TRIM9: variants seen among roughly 807,000 people sequenced by gnomAD.
TRIM9 encodes E3 ubiquitin-protein ligase TRIM9.
TRIM9 carries 26 observed loss-of-function variants against 78.3 expected under a neutral mutation model. The observed-to-expected ratio is 0.33, with a 90% CI of 0.24 to 0.46. TRIM9 has a LOEUF of 0.46. TRIM9 is among the 20% of genes least tolerant of loss of function. The probability of loss-of-function intolerance (pLI) is 1.00; values close to 1 mark genes in which losing one functional copy is unlikely to be tolerated. For synonymous variants in TRIM9, 398 were observed against 416.5 expected (o/e 0.96, Z 0.54); for missense variants, 787 against 1,036.4 (o/e 0.76, Z 3.30).
chr14:51,001,575 C>A (rs1443197381), intron 5 of TRIM9, among the ~76,000 whole-genome samples: 1 of 152,152 alleles, frequency 6.6e-6, no homozygotes, highest in Non-Finnish European at 1.5e-5. Flanking sequence ...GATTGAAACC[C>A]AAGTTAATAA....
intron 1 of TRIM9, among the ~76,000 whole-genome samples, chr14:51,089,785 T>C (rs1215004140): frequency 6.6e-6 from 1 of 152,186 alleles, no homozygotes; most frequent in African/African-American, 2.4e-5. Context: ...CTGTACCCTA[T>C]GCTCTGAAAA....
At chr14:51,041,125 T>C (rs2059548595) in intron 1 of TRIM9, among the ~76,000 whole-genome samples, 1 of 152,242 alleles carries the variant, frequency 6.6e-6, no homozygotes, top group South Asian at 2.1e-4. Context: ...TGTCAATCCA[T>C]TTCCATGCAG....
At position 51,079,100 on chromosome 14, in the gene TRIM9, T is replaced by C. The variant is rs144669137; in HGVS notation, c.822+15018A>G. On this transcript the variant is annotated intron_variant, in intron 1 of 12. Coordinates refer to ENST00000684578, the MANE Select transcript of TRIM9 (RefSeq NM_001387360.1). ...CTTTCACAAAAATCTTTTGTACATA[T>C]AGTTTCAGAAAACTTAATAATAGAC... is the stretch of plus-strand genomic sequence containing the variant. Among the ~76,000 whole-genome samples, 884 of 152,324 alleles carry C rather than the reference T, an allele frequency of 5.8e-3. 3 individuals carry two copies. Among genetic ancestry groups the C allele is most frequent in the South Asian group, 0.019 (91 of 4,832 alleles).
intron 1 of TRIM9, among the ~76,000 whole-genome samples, chr14:51,076,160 C>T (rs11848207): frequency 0.12 from 18,130 of 152,118 alleles, 1,516 homozygotes; most frequent in Admixed American, 0.25. Context: ...ATGAGGAAAC[C>T]GAGGTACAGA....
intron 1 of TRIM9, among the ~76,000 whole-genome samples, chr14:51,027,354 G>T (rs999205559): frequency 6.6e-6 from 1 of 151,998 alleles, no homozygotes; most frequent in Non-Finnish European, 1.5e-5. Flanking sequence ...ATGTTGGCCA[G>T]GCTGGTCTCA....
intron 3 of TRIM9, among the ~76,000 whole-genome samples, chr14:51,020,036 G>A (rs904844059): frequency 1.3e-5 from 2 of 152,100 alleles, no homozygotes; most frequent in Admixed American, 6.5e-5. Flanking sequence ...AGAGTTGCCC[G>A]AAAAATACAC....
Position 50,978,265 on chromosome 14 carries a change from T to C in TRIM9, c.2326-912A>G, listed in dbSNP as rs1011026429. Among the ~76,000 whole-genome samples the C allele has an allele frequency of 6.6e-5, 10 of 152,232 alleles. No individual in the cohort carries two copies. The East Asian group carries it at 1.9e-3, about 29-fold the overall frequency. Reference sequence around the variant, plus strand: ...TTCTGGATAGGGCAAAAGTCACCTGTAATTCTCAAGCCTTATCTCAAGACA... The same window carrying C: ...TTCTGGATAGGGCAAAAGTCACCTGCAATTCTCAAGCCTTATCTCAAGACA... On this transcript the variant is annotated intron_variant, in intron 12 of 12. Coordinates refer to ENST00000684578, the MANE Select transcript of TRIM9 (RefSeq NM_001387360.1).
In TRIM9 at chr14:50,983,455, AC is replaced by A. The variant is rs1199361342; in HGVS notation, c.1793-35del. The A allele has an allele frequency of 6.6e-6, 10 of 1,506,322 alleles. No individual in the cohort carries two copies. In the East Asian group the frequency reaches 1.2e-4, roughly 19 times the overall value. The allele number at this position is 1,506,322 out of a possible 1,614,324, so 93.3% of individuals were successfully genotyped here. On this transcript the variant is annotated intron_variant, in intron 8 of 12. Transcript: ENST00000684578. ...AGATACTACACATCAACGCTATGAA[AC>A]AACAACCAGGTTGATAAAAATTACT...
At position 50,977,223 on chromosome 14, in the gene TRIM9, T is replaced by G; in HGVS notation, c.*68A>C. The G allele has an allele frequency of 7.5e-7, 1 of 1,333,618 alleles. No homozygotes were observed. Among genetic ancestry groups the G allele is most frequent in the Non-Finnish European group, 9.9e-7 (1 of 1,012,848 alleles). The allele number at this position is 1,333,618 out of a possible 1,614,324, so 82.6% of individuals were successfully genotyped here. A position where few individuals can be genotyped will look rare whatever the true frequency, so the allele number is the denominator to read the frequency against. ...AACTCTGCACCCCACCACGGCTGGC[T>G]GAGCTCCTTGCTGTGGCTCTCGCAG... On this transcript the variant is annotated 3_prime_UTR_variant, in exon 13 of 13. Transcript: ENST00000684578.
At chr14:50,991,738 AG>A (rs1378662309) in intron 7 of TRIM9, among the ~76,000 whole-genome samples, 1 of 152,194 alleles carries the variant, frequency 6.6e-6, no homozygotes, top group Non-Finnish European at 1.5e-5. Flanking sequence ...GAAGCCACAA[AG>A]GTACTAATTG....
At chr14:50,990,175 A>G (rs1007975493) in intron 7 of TRIM9, among the ~76,000 whole-genome samples, 5 of 152,004 alleles carry the variant, frequency 3.3e-5, no homozygotes, top group African/African-American at 1.2e-4. Context: ...ATACCACTGC[A>G]CCTGGCCAAT....
chr14:51,063,011 A>T (rs1278961457), intron 1 of TRIM9, among the ~76,000 whole-genome samples: 1 of 152,176 alleles, frequency 6.6e-6, no homozygotes, highest in East Asian at 1.9e-4. Flanking sequence ...AAGAAAAATC[A>T]AGCAACAGAA....
intron 5 of TRIM9, among the ~76,000 whole-genome samples, chr14:51,005,224 C>T (rs2055616866): frequency 6.6e-6 from 1 of 152,128 alleles, no homozygotes; most frequent in Non-Finnish European, 1.5e-5. Flanking sequence ...CAGCTTTCCC[C>T]CTATGATTTA....
intron 1 of TRIM9, among the ~76,000 whole-genome samples, chr14:51,059,330 G>C (rs1031877281): frequency 1.3e-5 from 2 of 152,100 alleles, no homozygotes; most frequent in Non-Finnish European, 2.9e-5. Flanking sequence ...ATTTACCCAG[G>C]TGCCTTCATT....
intron 1 of TRIM9, among the ~76,000 whole-genome samples, chr14:51,041,527 T>C (rs1332526912): frequency 1.3e-5 from 2 of 152,214 alleles, no homozygotes; most frequent in Non-Finnish European, 2.9e-5. Context: ...TCATAGCAAA[T>C]GACAAGGATT....
chr14:51,016,294 G>A (rs1363014515), intron 3 of TRIM9, among the ~76,000 whole-genome samples: 1 of 152,188 alleles, frequency 6.6e-6, no homozygotes, highest in East Asian at 1.9e-4. Context: ...TGCACAGCAG[G>A]AGGTGAGCGG....
At chr14:51,037,801 C>T (rs975056817) in intron 1 of TRIM9, among the ~76,000 whole-genome samples, 2 of 151,970 alleles carry the variant, frequency 1.3e-5, no homozygotes, top group Non-Finnish European at 2.9e-5. Context: ...AAGATAAATA[C>T]AACCAGCGGC....
intron 3 of TRIM9, among the ~76,000 whole-genome samples, chr14:51,011,763 A>G (rs1329811409): frequency 1.3e-5 from 2 of 152,226 alleles, no homozygotes; most frequent in African/African-American, 4.8e-5. Context: ...TTATCATTCT[A>G]GTGTAAATTT....
intron 3 of TRIM9, among the ~76,000 whole-genome samples, chr14:51,022,015 C>A (rs2057799692): frequency 6.6e-6 from 1 of 152,168 alleles, no homozygotes; most frequent in African/African-American, 2.4e-5. Context: ...TGTATGGCCA[C>A]CCTATCCAAA....
Sources: gnomAD v4.1 joint callset for allele counts (sites outside exome capture counted in the v4.1 genomes callset) on GRCh38, gnomAD v4.1.1 for gene constraint, MANE v1.5 for transcripts, NCBI Gene and HGNC (gene_info 2026-07-23, HGNC 2026-07-21) for gene names.